SLC31A1: variants seen among roughly 807,000 people sequenced by gnomAD.
SLC31A1 encodes the protein solute carrier family 31 member 1.
SLC31A1 carries 5 observed loss-of-function variants against 17.2 expected under a neutral mutation model. The ratio of observed to expected loss-of-function variants is 0.29; its 90% CI spans 0.15 to 0.61. SLC31A1 has a LOEUF of 0.61. SLC31A1 is among the 20% of genes least tolerant of loss of function. The pLI is 0.86. For synonymous variants in SLC31A1, 76 were observed against 78.8 expected, an observed-to-expected ratio of 0.96 and a Z score of 0.19; for missense variants, 161 against 241.4, an observed-to-expected ratio of 0.67 and a Z score of 2.21.
chr9:113,229,695 G>C (rs931158882), intron 1 of SLC31A1, among the ~76,000 whole-genome samples: 14 of 152,176 alleles, frequency 9.2e-5, no homozygotes, highest in Non-Finnish European at 1.5e-4. Context: ...AAGAATGTGG[G>C]CAGACTGATG....
rs1831792235 is a variant in SLC31A1 at position 113,261,415 on chromosome 9, A to T, written c.*942A>T. 1 of 152,674 alleles carries T rather than the reference A, an allele frequency of 6.5e-6. No homozygotes were observed. Among genetic ancestry groups the T allele is most frequent in the Non-Finnish European group, 1.5e-5 (1 of 68,042 alleles). 9.5% of individuals were successfully genotyped at this position (152,674 alleles called of 1,614,324 possible). On this transcript the variant is annotated 3_prime_UTR_variant, in exon 5 of 5. Transcript: ENST00000374212. Reference sequence around the variant, plus strand: ...CAGGCTTAGAACTTGCAGAGTGTGTATTCTTGGATGGCTGATGCATCGACT... The same window carrying T: ...CAGGCTTAGAACTTGCAGAGTGTGTTTTCTTGGATGGCTGATGCATCGACT...
intron 1 of SLC31A1, among the ~76,000 whole-genome samples, chr9:113,254,188 A>G (rs1412905023): frequency 6.6e-6 from 1 of 151,828 alleles, no homozygotes; most frequent in Admixed American, 6.6e-5. Context: ...TCCTGGCCTC[A>G]AGTGATCTGC....
intron 1 of SLC31A1, among the ~76,000 whole-genome samples, chr9:113,221,965 A>G (rs1026837861): frequency 6.6e-6 from 1 of 152,206 alleles, no homozygotes; most frequent in Non-Finnish European, 1.5e-5. Context: ...CTCAGAGGCC[A>G]TGGATTTCAA....
At chr9:113,229,477 C>G (rs572810688) in intron 1 of SLC31A1, among the ~76,000 whole-genome samples, 1 of 152,166 alleles carries the variant, frequency 6.6e-6, no homozygotes, top group African/African-American at 2.4e-5. Context: ...TATATATGAT[C>G]GTTCTCATTC....
rs566664330 is a variant in SLC31A1 at position 113,222,578 on chromosome 9, C to G, written c.-36+900C>G. On this transcript the variant is annotated intron_variant, in intron 1 of 4. Coordinates refer to ENST00000374212, the MANE Select transcript of SLC31A1 (RefSeq NM_001859.4). Reference sequence around the variant, plus strand: ...GCTTCCCCTCACAGTCAGGTTGGTACTACAGGTGTCCCTTACGTGAATGTT... The same window carrying G: ...GCTTCCCCTCACAGTCAGGTTGGTAGTACAGGTGTCCCTTACGTGAATGTT... 3.9e-5 allele frequency among the ~76,000 whole-genome samples: 6 copies of G among 152,308 alleles called. No homozygotes were observed. In the East Asian group the frequency reaches 7.7e-4, roughly 20 times the overall value.
At chr9:113,243,462 T>A (rs1400801244) in intron 1 of SLC31A1, among the ~76,000 whole-genome samples, 2 of 152,212 alleles carry the variant, frequency 1.3e-5, no homozygotes, top group Admixed American at 1.3e-4. Context: ...TTTGCTGAGT[T>A]TGAACAGCTT....
chr9:113,234,878 T>A (rs2118990066), intron 1 of SLC31A1, among the ~76,000 whole-genome samples: 1 of 152,358 alleles, frequency 6.6e-6, no homozygotes, highest in Admixed American at 6.5e-5. Context: ...TGTTGTGAGA[T>A]TTTTATCCCA....
intron 3 of SLC31A1, 22 bp downstream of exon 3, chr9:113,257,207 G>A: frequency 6.3e-7 from 1 of 1,596,638 alleles, no homozygotes; most frequent in South Asian, 1.1e-5. Flanking sequence ...ATTAGGTAGT[G>A]TTGGAAGGTG....
chr9:113,233,178 T>G (rs532468124), intron 1 of SLC31A1, among the ~76,000 whole-genome samples: 1 of 152,210 alleles, frequency 6.6e-6, no homozygotes, highest in Non-Finnish European at 1.5e-5. Flanking sequence ...TTTTCCCAAT[T>G]TTAGAGCTGA....
chr9:113,236,287 C>G (rs1207600234), intron 1 of SLC31A1, among the ~76,000 whole-genome samples: 3 of 151,972 alleles, frequency 2.0e-5, no homozygotes, highest in Non-Finnish European at 4.4e-5. Flanking sequence ...TGCGCCCAGC[C>G]CTATTATTCA....
intron 1 of SLC31A1, among the ~76,000 whole-genome samples, chr9:113,244,538 T>C (rs1237027046): frequency 6.6e-6 from 1 of 152,158 alleles, no homozygotes; most frequent in Non-Finnish European, 1.5e-5. Flanking sequence ...GAGAATAATA[T>C]AAGGATTATT....
chr9:113,228,861 T>C lies in SLC31A1; in HGVS notation c.-36+7183T>C, dbSNP rs552502346. 6.4e-4 allele frequency among the ~76,000 whole-genome samples: 98 copies of C among 152,350 alleles called. 2 individuals carry two copies. The South Asian group carries it at 0.019, about 30-fold the overall frequency. On this transcript the variant is annotated intron_variant, in intron 1 of 4. Transcript: ENST00000374212. ...GATTTGATGATACTTTTTTTTTTCTTTTGAGTTGGAGTTTCGCTCTTGTTG... is the reference window on the plus strand; with the variant it reads ...GATTTGATGATACTTTTTTTTTTCTCTTGAGTTGGAGTTTCGCTCTTGTTG...
intron 1 of SLC31A1, among the ~76,000 whole-genome samples, chr9:113,228,956 C>G (rs919911461): frequency 1.3e-5 from 2 of 152,068 alleles, no homozygotes; most frequent in African/African-American, 4.8e-5. Flanking sequence ...AAGTGATTCT[C>G]CTGCCTTAGC....
rs557941194 is a variant in SLC31A1, at chr9:113,247,459, T to C, written c.-35-8655T>C. 2.0e-5 allele frequency among the ~76,000 whole-genome samples: 3 copies of C among 152,308 alleles called. No individual in the cohort carries two copies. The East Asian group carries it at 5.8e-4, about 29-fold the overall frequency. ...AGTCCCTATGGATTATTATATCTTA[T>C]TCTTATTGTACCATAGAAATAAGGC... On this transcript the variant is annotated intron_variant, in intron 1 of 4. Coordinates refer to ENST00000374212, the MANE Select transcript of SLC31A1 (RefSeq NM_001859.4).
chr9:113,221,756 T>C (rs1216789335), intron 1 of SLC31A1, 78 bp downstream of exon 1: 1 of 191,974 alleles, frequency 5.2e-6, no homozygotes, highest in Non-Finnish European at 1.1e-5. Flanking sequence ...AGGACCTTCC[T>C]CGCCGCTTTC....
At chr9:113,222,665 A>G (rs1177549426) in intron 1 of SLC31A1, among the ~76,000 whole-genome samples, 6 of 152,144 alleles carry the variant, frequency 3.9e-5, no homozygotes, top group Non-Finnish European at 8.8e-5. Context: ...AGAACTTTGC[A>G]CCTCCTGGCA....
intron 1 of SLC31A1, among the ~76,000 whole-genome samples, chr9:113,248,554 G>T (rs1463478047): frequency 2.2e-5 from 3 of 136,322 alleles, no homozygotes; most frequent in Admixed American, 8.3e-5. Context: ...ACTGCAACAT[G>T]GCCTCCCAGG....
At chr9:113,234,422 C>T (rs543343918) in intron 1 of SLC31A1, among the ~76,000 whole-genome samples, 15 of 151,410 alleles carry the variant, frequency 9.9e-5, no homozygotes, top group East Asian at 1.9e-4. Context: ...AGTGATCCAC[C>T]CACCTCAGCC....
intron 1 of SLC31A1, among the ~76,000 whole-genome samples, chr9:113,242,708 C>T (rs1383019159): frequency 6.6e-6 from 1 of 152,142 alleles, no homozygotes; most frequent in Non-Finnish European, 1.5e-5. Flanking sequence ...CCATGCCCAG[C>T]CTAAAATCAT....
Sources: gnomAD v4.1 joint callset for allele counts (sites outside exome capture counted in the v4.1 genomes callset) on GRCh38, gnomAD v4.1.1 for gene constraint, MANE v1.5 for transcripts, NCBI Gene and HGNC (gene_info 2026-07-23, HGNC 2026-07-21) for gene names.